Variants in TRIM14 observed in about 807,000 individuals in gnomAD.
The protein encoded by TRIM14 is tripartite motif-containing protein 14.
A neutral mutation model predicts 44.5 loss-of-function variants in TRIM14; 28 were observed. The ratio of observed to expected loss-of-function variants is 0.63; its 90% CI spans 0.47 to 0.86. The LOEUF is 0.86. Among genes scored for constraint, TRIM14 ranks in the 40% least tolerant of loss-of-function variants. The pLI, the probability that TRIM14 is intolerant of heterozygous loss-of-function variation, is 0.00. For synonymous variants in TRIM14, 299 were observed against 269.2 expected, an observed-to-expected ratio of 1.11 and a Z score of -1.08; for missense variants, 607 against 611.1, an observed-to-expected ratio of 0.99 and a Z score of 0.07.
At chr9:98,057,284 A>G in the TRIM14 span, among the ~76,000 whole-genome samples, 13 of 152,062 alleles carry the variant, frequency 8.5e-5, no homozygotes, top group Admixed American at 5.9e-4. Context: ...ACCCTTTAAC[A>G]TAGCCTTCAA....
chr9:98,060,929 C>G, the TRIM14 span: 11 of 1,614,066 alleles, frequency 6.8e-6, no homozygotes, highest in African/African-American at 1.2e-4. Context: ...CAGCCATGAC[C>G]AGTACAGGGA....
the TRIM14 span, chr9:98,056,604 CG>C: frequency 1.4e-6 from 1 of 694,788 alleles, no homozygotes; most frequent in Non-Finnish European, 2.2e-6. Context: ...GCCCTTCCCG[CG>C]GGAGGCCCCG....
At chr9:98,062,528 A>C in the TRIM14 span, among the ~76,000 whole-genome samples, 1 of 152,216 alleles carries the variant, frequency 6.6e-6, no homozygotes, top group African/African-American at 2.4e-5. Flanking sequence ...AAACTGACCC[A>C]TAATCCCTCT....
At chr9:98,050,348 A>G in the TRIM14 span, among the ~76,000 whole-genome samples, 2 of 152,216 alleles carry the variant, frequency 1.3e-5, no homozygotes, top group African/African-American at 4.8e-5. Flanking sequence ...CCATCCCAGC[A>G]TAAATATACT....
intron 2 of TRIM14, among the ~76,000 whole-genome samples, chr9:98,108,081 CTTT>C (rs34246943): frequency 3.7e-5 from 5 of 133,540 alleles, no homozygotes; most frequent in East Asian, 2.1e-4. Context: ...ACATACCATC[CTTT>C]TTTTTTTTTT....
chr9:98,096,880 T>G (rs1826204978), intron 3 of TRIM14, among the ~76,000 whole-genome samples: 2 of 152,144 alleles, frequency 1.3e-5, no homozygotes, highest in Non-Finnish European at 2.9e-5. Flanking sequence ...TCTGACCATG[T>G]GAATGCTTTC....
chr9:98,066,650 C>G (rs1183288648), downstream of TRIM14, among the ~76,000 whole-genome samples: 1 of 146,980 alleles, frequency 6.8e-6, no homozygotes, highest in African/African-American at 2.5e-5. Flanking sequence ...CAACCACTTA[C>G]CGATTTTTTT....
intron 4 of TRIM14, 140 bp downstream of exon 4, chr9:98,094,726 AG>A (rs1826118341): frequency 1.1e-6 from 1 of 921,920 alleles, no homozygotes; most frequent in Non-Finnish European, 1.6e-6. Context: ...GTTGGGCACC[AG>A]GCCCAGGAGC....
downstream of TRIM14, among the ~76,000 whole-genome samples, chr9:98,065,483 A>ATTTTTTTT (rs397837187): frequency 0.02 from 1,174 of 58,572 alleles, 97 homozygotes; most frequent in Non-Finnish European, 0.026. Context: ...TGCCCAGCTA[A>ATTTTTTTT]TTTTTTTTTT....
downstream of TRIM14, chr9:98,080,956 T>C (rs148983734): frequency 3.4e-4 from 555 of 1,613,824 alleles, 2 homozygotes; most frequent in African/African-American, 6.9e-3. Flanking sequence ...GGAAGGGGAG[T>C]GACCACTCGG....
chr9:98,041,909 C>T, the TRIM14 span, among the ~76,000 whole-genome samples: 1 of 151,636 alleles, frequency 6.6e-6, no homozygotes, highest in South Asian at 2.1e-4. Flanking sequence ...GTCTCGAACC[C>T]CTGACCTCAG....
the TRIM14 span, among the ~76,000 whole-genome samples, chr9:98,046,602 C>G: frequency 6.6e-6 from 1 of 152,008 alleles, no homozygotes; most frequent in African/African-American, 2.4e-5. Context: ...CCACCACACT[C>G]GGCTAATTTT....
chr9:98,098,987 G>A (rs144995390), intron 3 of TRIM14, among the ~76,000 whole-genome samples: 5 of 152,150 alleles, frequency 3.3e-5, no homozygotes, highest in African/African-American at 1.2e-4. Context: ...GGTCAGGCTG[G>A]TCTCAAACTT....
downstream of TRIM14, among the ~76,000 whole-genome samples, chr9:98,067,490 A>G (rs1057363305): frequency 6.6e-6 from 1 of 152,178 alleles, no homozygotes; most frequent in Non-Finnish European, 1.5e-5. Flanking sequence ...TCTCTGATGC[A>G]TCTTTTCATG....
chr9:98,082,612 G>A (rs991567870), downstream of TRIM14, among the ~76,000 whole-genome samples: 1 of 152,198 alleles, frequency 6.6e-6, no homozygotes, highest in African/African-American at 2.4e-5. Context: ...CATAGCCTCA[G>A]CCCTTTCCTT....
rs779132010 is a variant in TRIM14 at position 98,087,335 on chromosome 9, T to C, written c.*135A>G. 1 of 1,341,938 alleles carries C rather than the reference T, an allele frequency of 7.5e-7. No individual in the cohort carries two copies. Among genetic ancestry groups the C allele is most frequent in the Admixed American group, 1.7e-5 (1 of 59,642 alleles). 83.1% of individuals were successfully genotyped at this position (1,341,938 alleles called of 1,614,324 possible). A position where few individuals can be genotyped will look rare whatever the true frequency, so the allele number is the denominator to read the frequency against. On this transcript the variant is annotated 3_prime_UTR_variant, in exon 6 of 6. Coordinates refer to ENST00000341469, the MANE Select transcript of TRIM14 (RefSeq NM_014788.4). ...ACCTTCAAAGCACTGTAGGCGTGAT[T>C]GGTCGGGGAAAGCTGGGGCAGGGAG...
chr9:98,113,381 G>T (rs540812352), intron 1 of TRIM14, among the ~76,000 whole-genome samples: 1 of 152,124 alleles, frequency 6.6e-6, no homozygotes, highest in African/African-American at 2.4e-5. Context: ...TTGAGACAGG[G>T]TCTCACTTTG....
chr9:98,066,423 C>G (rs148364285), downstream of TRIM14, among the ~76,000 whole-genome samples: 13 of 152,280 alleles, frequency 8.5e-5, 1 homozygote, highest in African/African-American at 2.6e-4. Flanking sequence ...AGCGGCTCAC[C>G]TAATGGAAGG....
chr9:98,077,334 A>G (rs982451820), intron 6 of TRIM14, among the ~76,000 whole-genome samples: 2 of 151,548 alleles, frequency 1.3e-5, no homozygotes, highest in African/African-American at 4.9e-5. Context: ...AATTAAGAAT[A>G]TGACAGTTTT....
Sources: gnomAD v4.1 joint callset for allele counts (sites outside exome capture counted in the v4.1 genomes callset) on GRCh38, gnomAD v4.1.1 for gene constraint, MANE v1.5 for transcripts, NCBI Gene and HGNC (gene_info 2026-07-23, HGNC 2026-07-21) for gene names.